DIAPH2: variants seen among roughly 807,000 people sequenced by gnomAD.
DIAPH2 encodes diaphanous related formin 2, also known as protein diaphanous homolog 2.
Under a neutral mutation model 92.7 loss-of-function variants are expected in DIAPH2, and 35 were observed. That is an observed-to-expected ratio of 0.38 (90% CI 0.29 to 0.50). The LOEUF (loss-of-function observed/expected upper bound fraction) is 0.50, where lower values mean the gene tolerates loss of function less well. Among genes scored for constraint, DIAPH2 ranks in the 20% least tolerant of loss-of-function variants. DIAPH2 has a pLI of 0.94. For missense variants in DIAPH2, 701 were observed against 819.5 expected (o/e 0.86, Z 1.77); for synonymous variants, 301 against 280.4 (o/e 1.07, Z -0.73).
chrX:96,958,749 A>G (rs1329786237), intron 16 of DIAPH2, among the ~76,000 whole-genome samples: 1 of 111,124 alleles, frequency 9.0e-6, no homozygotes, highest in East Asian at 2.8e-4. Context: ...CACCCTTCCC[A>G]GTCTCTGGTA....
chrX:96,795,715 C>T (rs751600460), intron 4 of DIAPH2, among the ~76,000 whole-genome samples: 9 of 111,523 alleles, frequency 8.1e-5, no homozygotes, highest in Middle Eastern at 4.7e-3. Flanking sequence ...TGGTCATATT[C>T]GTTGTCCTGA....
At chrX:97,468,140 C>T (rs2070530390) in intron 26 of DIAPH2, among the ~76,000 whole-genome samples, 1 of 112,036 alleles carries the variant, frequency 8.9e-6, no homozygotes, top group Non-Finnish European at 1.9e-5. Flanking sequence ...TGCATCCCTT[C>T]TGCCATCATA....
chrX:97,272,505 C>CA (rs1201623054), intron 23 of DIAPH2, among the ~76,000 whole-genome samples: 9 of 111,620 alleles, frequency 8.1e-5, no homozygotes, highest in African/African-American at 2.9e-4. Flanking sequence ...ATTTTATTAG[C>CA]CAGGACCTCT....
intron 9 of DIAPH2, among the ~76,000 whole-genome samples, chrX:96,925,333 G>A (rs1349098578): frequency 9.0e-6 from 1 of 110,799 alleles, no homozygotes; most frequent in Non-Finnish European, 1.9e-5. Flanking sequence ...GTTGACCTTA[G>A]TATTACCTAC....
intron 26 of DIAPH2, among the ~76,000 whole-genome samples, chrX:97,590,070 A>T (rs977481752): frequency 6.2e-5 from 7 of 112,570 alleles, no homozygotes; most frequent in African/African-American, 2.3e-4. Flanking sequence ...AGCATGGGGA[A>T]CATTGCTAAT....
intron 26 of DIAPH2, among the ~76,000 whole-genome samples, chrX:97,466,891 G>C (rs1416345864): frequency 2.7e-5 from 3 of 112,019 alleles, no homozygotes. Context: ...ATGTGTATAG[G>C]TATGTTTATA....
chrX:97,463,893 C>T (rs887938540), intron 26 of DIAPH2, among the ~76,000 whole-genome samples: 3 of 110,974 alleles, frequency 2.7e-5, no homozygotes, highest in African/African-American at 9.8e-5. Context: ...AAGTGAATCA[C>T]TTAATCTCCC....
intron 26 of DIAPH2, among the ~76,000 whole-genome samples, chrX:97,515,534 A>G: frequency 8.9e-6 from 1 of 112,038 alleles, no homozygotes; most frequent in Non-Finnish European, 1.9e-5. Context: ...TTGGCTCAGG[A>G]ACCCAAACCT....
intron 24 of DIAPH2, among the ~76,000 whole-genome samples, chrX:97,363,696 A>G (rs917687399): frequency 9.5e-6 from 1 of 105,508 alleles, no homozygotes; most frequent in Non-Finnish European, 1.9e-5. Context: ...AAAAAAACCT[A>G]ACAAATACAG....
At chrX:97,119,892 A>G (rs2067043566) in intron 21 of DIAPH2, among the ~76,000 whole-genome samples, 1 of 111,687 alleles carries the variant, frequency 9.0e-6, no homozygotes, top group Non-Finnish European at 1.9e-5. Flanking sequence ...CACTCCCACC[A>G]TGCCCCCACT....
intron 1 of DIAPH2, among the ~76,000 whole-genome samples, chrX:96,689,037 C>CATGCTT (rs2147512446): frequency 9.1e-6 from 1 of 109,639 alleles, no homozygotes; most frequent in African/African-American, 3.3e-5. Flanking sequence ...CGTAGAATTG[C>CATGCTT]ATGCTTGAGT....
At chrX:96,696,735 G>A (rs2147520469) in intron 1 of DIAPH2, among the ~76,000 whole-genome samples, 1 of 112,063 alleles carries the variant, frequency 8.9e-6, no homozygotes, top group East Asian at 2.8e-4. Context: ...AGCCTTCCCA[G>A]AGATGATTCT....
At chrX:97,531,824 T>TA (rs1460591499) in intron 26 of DIAPH2, among the ~76,000 whole-genome samples, 1 of 112,583 alleles carries the variant, frequency 8.9e-6, no homozygotes, top group African/African-American at 3.2e-5. Context: ...TTACGTGTCC[T>TA]AAATTTCATT....
At chrX:97,183,407 G>T (rs957632826) in intron 22 of DIAPH2, among the ~76,000 whole-genome samples, 3 of 111,711 alleles carry the variant, frequency 2.7e-5, no homozygotes, top group Non-Finnish European at 5.6e-5. Flanking sequence ...GTTGGCCTAG[G>T]TTATATTGCT....
chrX:97,199,227 A>ATGTGTGTGTG (rs58686614), intron 22 of DIAPH2, among the ~76,000 whole-genome samples: 15 of 106,789 alleles, frequency 1.4e-4, no homozygotes, highest in African/African-American at 2.7e-4. Flanking sequence ...ACATATGTAT[A>ATGTGTGTGTG]TGTGTGTGTG....
chrX:97,351,541 C>T (rs1248361102), intron 24 of DIAPH2, among the ~76,000 whole-genome samples: 4 of 111,777 alleles, frequency 3.6e-5, no homozygotes, highest in African/African-American at 1.3e-4. Context: ...TAGGGCCCGG[C>T]GCGGTGGCTC....
chrX:96,943,115 CCTAT>C (rs2065716044), intron 13 of DIAPH2, among the ~76,000 whole-genome samples: 1 of 110,662 alleles, frequency 9.0e-6, no homozygotes, highest in Non-Finnish European at 1.9e-5. Flanking sequence ...TTCTCTATGA[CCTAT>C]CTATCTCTCT....
At chrX:97,287,952 C>CAAAAAAAAAAAAAAAAAAAA (rs748309881) in intron 23 of DIAPH2, among the ~76,000 whole-genome samples, 1 of 39,782 alleles carries the variant, frequency 2.5e-5, no homozygotes, top group African/African-American at 1.1e-4. Context: ...GACTCTGTCT[C>CAAAAAAAAAAAAAAAAAAAA]AAAAAAAAAA....
At chrX:97,387,655 C>A (rs777968820) in intron 25 of DIAPH2, among the ~76,000 whole-genome samples, 21 of 111,909 alleles carry the variant, frequency 1.9e-4, no homozygotes, top group Non-Finnish European at 3.8e-4. Context: ...TCCAAAAACA[C>A]CCTCACAGAA....
Sources: gnomAD v4.1 joint callset for allele counts (sites outside exome capture counted in the v4.1 genomes callset) on GRCh38, gnomAD v4.1.1 for gene constraint, MANE v1.5 for transcripts, NCBI Gene and HGNC (gene_info 2026-07-23, HGNC 2026-07-21) for gene names.